The following TRAPPC9 variants were observed in gnomAD, a reference collection of about 807,000 sequenced individuals.
TRAPPC9 encodes trafficking protein particle complex subunit 9, also known as IKK2 binding protein.
TRAPPC9 carries 83 observed loss-of-function variants against 124.0 expected under a neutral mutation model. That is an observed-to-expected ratio of 0.67 (90% CI 0.56 to 0.80). TRAPPC9 has a LOEUF of 0.80. Among genes scored for constraint, TRAPPC9 ranks in the 30% least tolerant of loss-of-function variants. The probability of loss-of-function intolerance (pLI) is 0.00; values close to 1 mark genes in which losing one functional copy is unlikely to be tolerated. For missense variants in TRAPPC9, 1,302 were observed against 1,508.3 expected (o/e 0.86, Z 2.27); for synonymous variants, 638 against 617.5 (o/e 1.03, Z -0.49).
chr8:139,878,764 A>G (rs907895292), intron 21 of TRAPPC9, among the ~76,000 whole-genome samples: 1 of 152,244 alleles, frequency 6.6e-6, no homozygotes, highest in African/African-American at 2.4e-5. Flanking sequence ...CGGGAGTTCA[A>G]GACCAGCCTG....
At chr8:140,267,843 T>G (rs953206380) in intron 15 of TRAPPC9, among the ~76,000 whole-genome samples, 22 of 152,084 alleles carry the variant, frequency 1.4e-4, no homozygotes, top group Non-Finnish European at 2.8e-4. Context: ...ATTTTTGTAT[T>G]TTTTAGTAGA....
At chr8:140,039,301 C>T (rs1405993907) in intron 17 of TRAPPC9, among the ~76,000 whole-genome samples, 1 of 152,126 alleles carries the variant, frequency 6.6e-6, no homozygotes, top group East Asian at 1.9e-4. Flanking sequence ...AAGAGAGCTA[C>T]AAGAATAAGA....
intron 17 of TRAPPC9, among the ~76,000 whole-genome samples, chr8:140,211,161 G>A (rs1388107853): frequency 6.6e-6 from 1 of 152,184 alleles, no homozygotes; most frequent in East Asian, 1.9e-4. Context: ...GGGAGACCAA[G>A]GCAGGAGGTT....
At chr8:139,744,434 C>G (rs1226907167) in intron 21 of TRAPPC9, among the ~76,000 whole-genome samples, 1 of 152,106 alleles carries the variant, frequency 6.6e-6, no homozygotes, top group Non-Finnish European at 1.5e-5. Flanking sequence ...CCAAGGAAAG[C>G]TCAGACAGGG....
intron 21 of TRAPPC9, among the ~76,000 whole-genome samples, chr8:139,838,756 T>C (rs1826530691): frequency 6.6e-6 from 1 of 152,226 alleles, no homozygotes; most frequent in Non-Finnish European, 1.5e-5. Context: ...AAGGTATTTT[T>C]CTGGCTGCCT....
chr8:140,218,916 C>T (rs1056460668), intron 17 of TRAPPC9, among the ~76,000 whole-genome samples: 6 of 151,986 alleles, frequency 3.9e-5, no homozygotes, highest in Non-Finnish European at 7.4e-5. Flanking sequence ...GCCGAGATCG[C>T]ACCACTGCAC....
At chr8:140,138,109 T>C (rs751032278) in intron 17 of TRAPPC9, among the ~76,000 whole-genome samples, 26 of 152,346 alleles carry the variant, frequency 1.7e-4, no homozygotes, top group Non-Finnish European at 2.4e-4. Flanking sequence ...GAGATCAGCC[T>C]GACCAACATG....
In TRAPPC9 at chr8:140,368,648, C is replaced by G. The variant is rs4736177; in HGVS notation, c.1351+2316G>C. ...CCTCCCCAGACTGCAAAAGCACCCC[C>G]CAGGTCTAGTTCTCTTCCCTGAAGA... On this transcript the variant is annotated intron_variant, in intron 8 of 22. Transcript: ENST00000438773. 4.1e-3 allele frequency among the ~76,000 whole-genome samples: 629 copies of G among 152,222 alleles called. 14 individuals carry two copies. The highest frequency in any genetic ancestry group is 0.039 in the Admixed American group (600 of 15,294).
At chr8:139,941,935 A>G (rs1833944969) in intron 19 of TRAPPC9, among the ~76,000 whole-genome samples, 1 of 152,178 alleles carries the variant, frequency 6.6e-6, no homozygotes, top group Non-Finnish European at 1.5e-5. Context: ...GGTCCTGCAG[A>G]TCGGTGTGCA....
At chr8:140,139,935 G>A (rs920522578) in intron 17 of TRAPPC9, among the ~76,000 whole-genome samples, 2 of 152,176 alleles carry the variant, frequency 1.3e-5, no homozygotes, top group African/African-American at 4.8e-5. Flanking sequence ...CTGAGTTTAT[G>A]CTTTAATTCA....
chr8:140,103,086 C>G (rs2060608561), intron 17 of TRAPPC9, among the ~76,000 whole-genome samples: 1 of 152,198 alleles, frequency 6.6e-6, no homozygotes, highest in East Asian at 1.9e-4. Context: ...GCTCCCCACT[C>G]CCACAGCACA....
chr8:140,012,941 G>C (rs1437982286), intron 18 of TRAPPC9, among the ~76,000 whole-genome samples: 1 of 152,088 alleles, frequency 6.6e-6, no homozygotes, highest in Non-Finnish European at 1.5e-5. Flanking sequence ...GGGAGAGCAG[G>C]GTGTGTAGCA....
At chr8:140,447,213 A>G (rs942064533) in intron 2 of TRAPPC9, among the ~76,000 whole-genome samples, 15 of 152,226 alleles carry the variant, frequency 9.9e-5, no homozygotes, top group African/African-American at 3.4e-4. Context: ...CAGACTGAAC[A>G]AGATCCCCCA....
At chr8:139,849,864 G>A (rs569855145) in intron 21 of TRAPPC9, among the ~76,000 whole-genome samples, 3 of 152,160 alleles carry the variant, frequency 2.0e-5, no homozygotes, top group Non-Finnish European at 4.4e-5. Context: ...ACCTCACTTC[G>A]CCCTGGCTCA....
intron 17 of TRAPPC9, among the ~76,000 whole-genome samples, chr8:140,082,695 T>C (rs980369816): frequency 6.6e-5 from 10 of 152,214 alleles, no homozygotes; most frequent in African/African-American, 2.2e-4. Context: ...GAAATACAGC[T>C]TTTGCAAAAG....
intron 17 of TRAPPC9, among the ~76,000 whole-genome samples, chr8:140,128,835 C>T (rs2061145185): frequency 6.6e-6 from 1 of 152,170 alleles, no homozygotes; most frequent in Non-Finnish European, 1.5e-5. Flanking sequence ...AAGGCCTGCA[C>T]ATGGGAGATC....
chr8:139,910,374 C>T (rs1051140216), intron 19 of TRAPPC9, 74 bp from the exon 20 acceptor site: 13 of 1,437,374 alleles, frequency 9.0e-6, no homozygotes, highest in South Asian at 5.7e-5. Context: ...AGAATCAGCA[C>T]ATGCCAGCGT....
chr8:140,173,553 C>CAA (rs57984220), intron 17 of TRAPPC9, among the ~76,000 whole-genome samples: 45 of 59,752 alleles, frequency 7.5e-4, no homozygotes, highest in African/African-American at 2.3e-3. Context: ...GACTCTGTCT[C>CAA]AAAAAAAAAA....
intron 21 of TRAPPC9, among the ~76,000 whole-genome samples, chr8:139,830,142 C>T (rs947900461): frequency 2.6e-5 from 4 of 152,210 alleles, no homozygotes; most frequent in African/African-American, 9.7e-5. Context: ...CCTGCTAGCA[C>T]GCAAGCAAGG....
Sources: allele counts gnomAD v4.1 joint callset (sites outside exome capture counted in the v4.1 genomes callset), GRCh38; gene constraint gnomAD v4.1.1; transcripts MANE v1.5; gene names NCBI Gene and HGNC (gene_info 2026-07-23, HGNC 2026-07-21).